Variants in CHIC2 observed in about 807,000 individuals in gnomAD.
The protein encoded by CHIC2 is cysteine-rich hydrophobic domain-containing protein 2.
Under a neutral mutation model 25.9 loss-of-function variants are expected in CHIC2, and 14 were observed. The observed-to-expected ratio is 0.54, with a 90% CI of 0.36 to 0.85. The LOEUF is 0.85. Ranked by LOEUF, CHIC2 falls within the 40% of genes least tolerant of loss-of-function variation. The pLI is 0.01. For missense variants in CHIC2, 146 were observed against 202.0 expected, an observed-to-expected ratio of 0.72 and a Z score of 1.68; for synonymous variants, 70 against 72.0, an observed-to-expected ratio of 0.97 and a Z score of 0.14.
the CHIC2 span, chr4:54,087,635 T>A: frequency 1.7e-6 from 1 of 589,632 alleles, no homozygotes; most frequent in Non-Finnish European, 2.8e-6. Flanking sequence ...GGAGAAATGT[T>A]GGCCTATATA....
At chr4:54,023,350 C>A (rs918961569) in intron 3 of CHIC2, among the ~76,000 whole-genome samples, 2 of 152,156 alleles carry the variant, frequency 1.3e-5, no homozygotes, top group Non-Finnish European at 2.9e-5. Flanking sequence ...CTATGCTCAA[C>A]TCACTCTCTA....
chr4:54,046,842 T>C (rs1471325961), intron 3 of CHIC2, among the ~76,000 whole-genome samples: 1 of 152,086 alleles, frequency 6.6e-6, no homozygotes, highest in Non-Finnish European at 1.5e-5. Flanking sequence ...CAAAAGAAAC[T>C]ACCATCAGAG....
intron 3 of CHIC2, among the ~76,000 whole-genome samples, chr4:54,045,654 A>T (rs2110082174): frequency 1.3e-5 from 2 of 152,164 alleles, no homozygotes; most frequent in South Asian, 4.2e-4. Flanking sequence ...ATATCTCAAA[A>T]TAATAAGAGC....
chr4:54,033,511 C>T (rs766516274), intron 3 of CHIC2, among the ~76,000 whole-genome samples: 18 of 152,192 alleles, frequency 1.2e-4, no homozygotes, highest in South Asian at 2.1e-4. Flanking sequence ...TTTTCAAAAA[C>T]GGAAATTTTT....
chr4:54,073,556 A>G, the CHIC2 span, among the ~76,000 whole-genome samples: 6 of 152,208 alleles, frequency 3.9e-5, no homozygotes, highest in Non-Finnish European at 5.9e-5. Flanking sequence ...TCTGCCACTC[A>G]TGGGAGTGAG....
chr4:54,048,442 A>T (rs1375914171), intron 3 of CHIC2, among the ~76,000 whole-genome samples: 1 of 152,248 alleles, frequency 6.6e-6, no homozygotes, highest in African/African-American at 2.4e-5. Flanking sequence ...CAACCATTGT[A>T]ACCATTTTAT....
At chr4:54,062,201 T>A (rs1048552264) in intron 1 of CHIC2, among the ~76,000 whole-genome samples, 2 of 152,112 alleles carry the variant, frequency 1.3e-5, no homozygotes, top group African/African-American at 4.8e-5. Context: ...AAGAAGGAAG[T>A]TGCTGAGGAA....
chr4:54,051,644 A>G (rs1717010798), intron 1 of CHIC2, among the ~76,000 whole-genome samples: 1 of 152,028 alleles, frequency 6.6e-6, no homozygotes, highest in Non-Finnish European at 1.5e-5. Context: ...CAGTATTTTT[A>G]CCATCTCTCA....
intron 3 of CHIC2, among the ~76,000 whole-genome samples, chr4:54,024,680 C>T (rs533171926): frequency 6.6e-6 from 1 of 152,258 alleles, no homozygotes; most frequent in South Asian, 2.1e-4. Flanking sequence ...TAATAAAACT[C>T]AAGGATAGAG....
chr4:54,089,392 C>CATATAT, the CHIC2 span, among the ~76,000 whole-genome samples: 154 of 145,190 alleles, frequency 1.1e-3, no homozygotes, highest in African/African-American at 1.8e-3. Context: ...CACCACATTC[C>CATATAT]ATATATATAT....
chr4:54,077,358 A>G, the CHIC2 span, among the ~76,000 whole-genome samples: 1 of 152,152 alleles, frequency 6.6e-6, no homozygotes. Flanking sequence ...ACACAAGAAG[A>G]TCCTGCAACC....
At chr4:54,066,896 A>G (rs185377658), upstream of CHIC2, among the ~76,000 whole-genome samples, 36 of 152,288 alleles carry the variant, frequency 2.4e-4, no homozygotes, top group East Asian at 6.9e-3. Flanking sequence ...CTGAGAATTC[A>G]CCCTTATGTA....
intron 5 of CHIC2, among the ~76,000 whole-genome samples, chr4:54,012,499 A>G (rs950981647): frequency 2.6e-5 from 4 of 152,156 alleles, no homozygotes; most frequent in African/African-American, 9.7e-5. Context: ...TTTCCTTTCC[A>G]AAGTAAATTT....
At chr4:54,067,921 C>CG (rs1717547749), upstream of CHIC2, among the ~76,000 whole-genome samples, 1 of 144,466 alleles carries the variant, frequency 6.9e-6, no homozygotes, top group Non-Finnish European at 1.5e-5. Context: ...GAATTTTGTC[C>CG]CCCCCCCCAA....
At chr4:54,085,035 A>T in the CHIC2 span, among the ~76,000 whole-genome samples, 4 of 151,896 alleles carry the variant, frequency 2.6e-5, no homozygotes, top group African/African-American at 9.7e-5. Flanking sequence ...CTGAATTGAT[A>T]TAAATAAAGT....
At chr4:54,073,139 A>G in the CHIC2 span, among the ~76,000 whole-genome samples, 1 of 151,868 alleles carries the variant, frequency 6.6e-6, no homozygotes, top group Admixed American at 6.6e-5. Flanking sequence ...TACTTCAACC[A>G]TATTTCCTCC....
rs145883300 is a variant in CHIC2, at chr4:54,040,293, G to A, written c.330+8662C>T. Among the ~76,000 whole-genome samples the A allele has an allele frequency of 3.6e-3, 544 of 152,300 alleles. 1 individual carries two copies. The highest frequency in any genetic ancestry group is 5.3e-3 in the Non-Finnish European group (361 of 68,028). ...ATCAAAATAACAGAACATGCTGGGCGCAGTGGCTCACGCCTGTAATCCCAG... is the reference window on the plus strand; with the variant it reads ...ATCAAAATAACAGAACATGCTGGGCACAGTGGCTCACGCCTGTAATCCCAG... On this transcript the variant is annotated intron_variant, in intron 3 of 5. Coordinates refer to ENST00000263921, the MANE Select transcript of CHIC2 (RefSeq NM_012110.4).
At chr4:54,071,424 T>A in the CHIC2 span, among the ~76,000 whole-genome samples, 1 of 152,272 alleles carries the variant, frequency 6.6e-6, no homozygotes, top group Non-Finnish European at 1.5e-5. Context: ...TAAACATTCC[T>A]ATAACATAGG....
At chr4:54,049,154 T>C (rs1716922633) in intron 2 of CHIC2, 44 bp from the exon 3 acceptor site, 3 of 1,568,862 alleles carry the variant, frequency 1.9e-6, no homozygotes, top group Non-Finnish European at 2.6e-6. Context: ...AATATTAATG[T>C]CAAAAAACAT....
Sources: allele counts gnomAD v4.1 joint callset (sites outside exome capture counted in the v4.1 genomes callset), GRCh38; gene constraint gnomAD v4.1.1; transcripts MANE v1.5; gene names NCBI Gene and HGNC (gene_info 2026-07-23, HGNC 2026-07-21).